Variants in IRX6 observed in about 807,000 individuals in gnomAD.
IRX6 encodes the protein iroquois homeobox 6.
IRX6 carries 46 observed loss-of-function variants against 47.7 expected under a neutral mutation model. The observed-to-expected ratio is 0.96, with a 90% confidence interval of 0.76 to 1.23. IRX6 has a LOEUF of 1.23. Among genes scored for constraint, IRX6 ranks in the 50% most tolerant of loss-of-function variants. The pLI is 0.00. For synonymous variants in IRX6, 265 were observed against 246.2 expected (o/e 1.08, Z -0.72); for missense variants, 722 against 588.0 (o/e 1.23, Z -2.36).
chr16:55,324,987 G>T lies in IRX6; in HGVS notation c.-105G>T, dbSNP rs1480044029. 3.3e-6 allele frequency: 4 copies of T among 1,220,976 alleles called. No individual in the cohort carries two copies. The highest frequency in any genetic ancestry group is 2.4e-6 in the Non-Finnish European group (2 of 832,708). 75.6% of individuals were successfully genotyped at this position (1,220,976 alleles called of 1,614,324 possible). On this transcript the variant is annotated 5_prime_UTR_variant, in exon 1 of 6. Transcript: ENST00000290552. The surrounding 1 kb of genome is among the most constrained non-coding windows in gnomAD (Gnocchi z 4.4). ...GCGAAGGAACCGGCGCTGGGCATCCGCAGCGGTGTAAGGAACTGAGACACC... is the reference window on the plus strand; with the variant it reads ...GCGAAGGAACCGGCGCTGGGCATCCTCAGCGGTGTAAGGAACTGAGACACC...
At chr16:55,327,942 A>C in intron 4 of IRX6, 49 bp downstream of exon 4, 1 of 1,535,626 alleles carries the variant, frequency 6.5e-7, no homozygotes, top group South Asian at 1.3e-5. Flanking sequence ...CAAGTCATCA[A>C]GCAGTTTGGT....
chr16:55,325,815 T>G (rs1960511604), intron 1 of IRX6: 1 of 155,080 alleles, frequency 6.4e-6, no homozygotes, highest in Non-Finnish European at 1.4e-5. Flanking sequence ...TCTCCAGCTT[T>G]TCTCTAGAGT....
chr16:55,324,699 G>C lies in IRX6; in HGVS notation c.-393G>C. ...CCAGGGTCCCGGGGCCCGGGGTCCC[G>C]TCTGGCGGCCCGGGATTACCGTGAC... On this transcript the variant is annotated 5_prime_UTR_variant, in exon 1 of 6. Coordinates refer to ENST00000290552, the MANE Select transcript of IRX6 (RefSeq NM_024335.3). The surrounding 1 kb of genome is among the most constrained non-coding windows in gnomAD (Gnocchi z 4.4). 4.6e-6 allele frequency: 1 copy of C among 217,338 alleles called. No individual in the cohort carries two copies. Among genetic ancestry groups the C allele is most frequent in the Middle Eastern group, 1.8e-3 (1 of 568 alleles). The allele number at this position is 217,338 out of a possible 1,614,324, so 13.5% of individuals were successfully genotyped here.
Position 55,330,334 on chromosome 16 carries a change from T to C in IRX6, c.*29T>C, listed in dbSNP as rs1183167834. On this transcript the variant is annotated 3_prime_UTR_variant, in exon 6 of 6. Transcript: ENST00000290552. Reference sequence around the variant, plus strand: ...AATGGCTGCGATTTGCGAAAGAATCTTGGAAATGGGCCCCACGTTTCGAAT... The same window carrying C: ...AATGGCTGCGATTTGCGAAAGAATCCTGGAAATGGGCCCCACGTTTCGAAT... 5 of 1,611,708 alleles carry C rather than the reference T, an allele frequency of 3.1e-6. No individual in the cohort carries two copies. The highest frequency in any genetic ancestry group is 2.2e-5 in the East Asian group (1 of 44,890).
chr16:55,325,487 G>A lies in IRX6; in HGVS notation c.45+351G>A, dbSNP rs1175940469. ...GAAAAGAAAGAAAGAAATAAGGAAG[G>A]AAGGAAGGAAGGAAGGAAGGAAGGA... On this transcript the variant is annotated intron_variant, in intron 1 of 5. Transcript: ENST00000290552. 1.2e-4 allele frequency among the ~76,000 whole-genome samples: 2 copies of A among 16,614 alleles called. 1 individual carries two copies. Among genetic ancestry groups the A allele is most frequent in the Non-Finnish European group, 1.9e-4 (2 of 10,258 alleles). The allele number at this position is 16,614 out of a possible 152,430, so 10.9% of individuals were successfully genotyped here. A position where few individuals can be genotyped will look rare whatever the true frequency, so the allele number is the denominator to read the frequency against.
rs1417153824 is a variant in IRX6, at chr16:55,327,827, GGGGAGGAGAGGAAGGCAGA to G, written c.668_686del (p.Lys223ArgfsTer4). On this transcript the variant is annotated frameshift_variant, in exon 4 of 6. Transcript: ENST00000290552. LOFTEE classifies it high-confidence loss of function. ...GACATGGGCGCCCAAGAACAAAGGT[GGGGAGGAGAGGAAGGCAGA>G]GGGAGGAGAGGAGGACTCACTAGGC... The G allele has an allele frequency of 3.7e-6, 6 of 1,613,056 alleles. No homozygotes were observed. The highest frequency in any genetic ancestry group is 1.7e-5 in the Admixed American group (1 of 59,998).
intron 1 of IRX6, chr16:55,326,078 T>C (rs1960515622): frequency 6.0e-6 from 3 of 499,638 alleles, no homozygotes; most frequent in Non-Finnish European, 7.0e-6. Context: ...TTTCCCGGCC[T>C]CCTGGGGCTC....
Position 55,327,389 on chromosome 16 carries a change from C to A in IRX6, c.397C>A (p.Gln133Lys), listed in dbSNP as rs1960550233. 6.2e-7 allele frequency: 1 copy of A among 1,612,712 alleles called. No homozygotes were observed. Among genetic ancestry groups the A allele is most frequent in the Non-Finnish European group, 8.5e-7 (1 of 1,178,768 alleles). Residue 133 changes from glutamine (Q) to lysine (K), a missense_variant, in exon 3 of 6, where the codon CAG becomes AAG. Transcript: ENST00000290552. ...TTATCCCTATGAGCGGACTCTGGGG[C>A]AGTACCAATATGAACGGTAAGGAGT... ...AYYPYERTLG[Q>K]YQYERYGAVE...
Position 55,330,463 on chromosome 16 carries a change from C to G in IRX6, c.*158C>G, listed in dbSNP as rs561110487. On this transcript the variant is annotated 3_prime_UTR_variant, in exon 6 of 6. Transcript: ENST00000290552. ...AACCCTCCTAGCAGCTGTCCTTGCA[C>G]GCAGAGCTGGGGTGGTGGGCCGACT... 12 of 755,100 alleles carry G rather than the reference C, an allele frequency of 1.6e-5. No homozygotes were observed. In the East Asian group the frequency reaches 3.0e-4, roughly 19 times the overall value. The allele number at this position is 755,100 out of a possible 1,614,324, so 46.8% of individuals were successfully genotyped here.
At chr16:55,329,869 G>A (rs112222615) in intron 5 of IRX6, among the ~76,000 whole-genome samples, 3,052 of 152,298 alleles carry the variant, frequency 0.02, 106 homozygotes, top group African/African-American at 0.068. Context: ...ACATGCCCCT[G>A]CGGTCAGCAG....
chr16:55,327,521 A>C, intron 3 of IRX6, 65 bp from the exon 4 acceptor site: 2 of 1,578,900 alleles, frequency 1.3e-6, no homozygotes, highest in South Asian at 2.3e-5. Context: ...TCCACGCCAC[A>C]GACTGTCCTC....
At chr16:55,327,546 T>C in intron 3 of IRX6, 40 bp from the exon 4 acceptor site, 1 of 1,579,764 alleles carries the variant, frequency 6.3e-7, no homozygotes, top group East Asian at 2.2e-5. Flanking sequence ...TGCAGTTCCT[T>C]GTTCCTCTTC....
In IRX6 at chr16:55,324,824, A is replaced by T. The variant is rs1193650001; in HGVS notation, c.-268A>T. 5.6e-6 allele frequency: 3 copies of T among 537,588 alleles called. No individual in the cohort carries two copies. Among genetic ancestry groups the T allele is most frequent in the Non-Finnish European group, 1.0e-5 (3 of 300,852 alleles). The allele number at this position is 537,588 out of a possible 1,614,324, so 33.3% of individuals were successfully genotyped here. ...ACCTCGCCACCACGCGCCTTTGGGA[A>T]CCCGCATCTTCTTCCTTCCCCTGCC... On this transcript the variant is annotated 5_prime_UTR_variant, in exon 1 of 6. Coordinates refer to ENST00000290552, the MANE Select transcript of IRX6 (RefSeq NM_024335.3). This position sits in a 1 kb window ranked among gnomAD's most constrained non-coding sequence, Gnocchi z 4.4.
chr16:55,328,150 T>C (rs1960570281), intron 4 of IRX6, among the ~76,000 whole-genome samples: 1 of 152,130 alleles, frequency 6.6e-6, no homozygotes, highest in Admixed American at 6.5e-5. Context: ...AGCCTCCCAG[T>C]TATTTTCTGT....
rs1278047429 is a variant in IRX6, at chr16:55,328,699, G to C, written c.722-1G>C. 2 of 1,612,554 alleles carry C rather than the reference G, an allele frequency of 1.2e-6. No individual in the cohort carries two copies. The highest frequency in any genetic ancestry group is 1.7e-5 in the Admixed American group (1 of 59,994). On this transcript the variant is annotated splice_acceptor_variant, in intron 4 of 5. Coordinates refer to ENST00000290552, the MANE Select transcript of IRX6 (RefSeq NM_024335.3). LOFTEE classifies it high-confidence loss of function. ...TCTCACTCGCTCTTGATTTCCTGCA[G>C]AAGTTACTGCTAGCCAGGAGGCCCG...
chr16:55,326,485 C>G lies in IRX6; in HGVS notation c.195C>G (p.Gly65=), dbSNP rs753210884. Residue 65 remains glycine (G), a synonymous_variant, in exon 2 of 6, where the codon GGC becomes GGG. Transcript: ENST00000290552. The stretch of plus-strand genomic sequence containing the variant: ...TGGGCAGTGCGCGACCGGAGCTGGG[C>G]GCCGCCTTGGGCATCTATGGAGCAC... ...RLLGSARPEL[G]AALGIYGAPY... is the part of the protein sequence containing the mutation. 3 of 1,612,970 alleles carry G rather than the reference C, an allele frequency of 1.9e-6. No individual in the cohort carries two copies. In the South Asian group the frequency reaches 3.3e-5, roughly 18 times the overall value.
At chr16:55,325,563 A>AAGGGAG (rs1960505168) in intron 1 of IRX6, among the ~76,000 whole-genome samples, 1 of 12,562 alleles carries the variant, frequency 8.0e-5, no homozygotes. Context: ...GAGAGAGAGA[A>AAGGGAG]AGAAAGAGAA....
At chr16:55,327,975 G>A (rs1331973521) in intron 4 of IRX6, 82 bp downstream of exon 4, 2 of 1,429,074 alleles carry the variant, frequency 1.4e-6, no homozygotes, top group African/African-American at 2.9e-5. Flanking sequence ...GCCCTGTAGG[G>A]TAGATTTTCT....
intron 1 of IRX6, 199 bp from the exon 2 acceptor site, chr16:55,326,137 A>AAATGCG (rs2067217): frequency 3.4e-6 from 2 of 595,358 alleles, no homozygotes; most frequent in Admixed American, 3.2e-5. Context: ...AGTTTGGTTA[A>AAATGCG]TTTATAATTC....
Sources: gnomAD v4.1 joint callset for allele counts (sites outside exome capture counted in the v4.1 genomes callset) on GRCh38, gnomAD v4.1.1 for gene constraint, Gnocchi (gnomAD v3.1) non-coding constraint, MANE v1.5 for transcripts, NCBI Gene and HGNC (gene_info 2026-07-23, HGNC 2026-07-21) for gene names.